TPTE: variants seen among roughly 807,000 people sequenced by gnomAD.
The protein encoded by TPTE is transmembrane phosphatase with tensin homology.
In TPTE, 59 loss-of-function variants were observed where a neutral mutation model predicts 84.1. The ratio of observed to expected loss-of-function variants is 0.70; its 90% CI spans 0.57 to 0.87. The LOEUF (loss-of-function observed/expected upper bound fraction) is 0.87, where lower values mean the gene tolerates loss of function less well. Among genes scored for constraint, TPTE ranks in the 40% least tolerant of loss-of-function variants. The pLI is 0.00. For missense variants in TPTE, 382 were observed against 659.6 expected, an observed-to-expected ratio of 0.58 and a Z score of 4.61; for synonymous variants, 130 against 223.5, an observed-to-expected ratio of 0.58 and a Z score of 3.73.
chr21:10,578,326 ATTTAT>A lies in TPTE; in HGVS notation c.857-6_857-2del, dbSNP rs777350475. 2.0e-5 allele frequency: 32 copies of A among 1,611,680 alleles called. No homozygotes were observed. The highest frequency in any genetic ancestry group is 1.7e-4 in the Admixed American group (10 of 59,984). ...CCTATAGAGATATGACATACATATT[ATTTAT>A]TTTAGGTGAAAGAGCTTACGATCCT... On this transcript the variant is annotated splice_polypyrimidine_tract_variant and splice_region_variant and intron_variant, in intron 15 of 23. Transcript: ENST00000618007.
At chr21:10,534,335 A>C (rs1205899146) in intron 3 of TPTE, among the ~76,000 whole-genome samples, 19 of 152,300 alleles carry the variant, frequency 1.2e-4, no homozygotes, top group Non-Finnish European at 2.2e-4. Flanking sequence ...CAGCCAGCCT[A>C]ATGCTCTCCT....
chr21:10,566,134 T>G (rs1260571004), intron 10 of TPTE, among the ~76,000 whole-genome samples: 2 of 152,416 alleles, frequency 1.3e-5, no homozygotes, highest in East Asian at 3.8e-4. Flanking sequence ...ATAACCAGAA[T>G]ATGTAAGGAG....
At chr21:10,580,535 G>T (rs1352667274) in intron 17 of TPTE, among the ~76,000 whole-genome samples, 30 of 152,264 alleles carry the variant, frequency 2.0e-4, no homozygotes, top group African/African-American at 6.8e-4. Flanking sequence ...TATATTGGGT[G>T]AGATAGGTTG....
In TPTE at chr21:10,605,430, A is replaced by T. The variant is rs1170862146; in HGVS notation, c.1534A>T (p.Lys512Ter). The T allele has an allele frequency of 6.2e-7, 1 of 1,614,060 alleles. No individual in the cohort carries two copies. Among genetic ancestry groups the T allele is most frequent in the African/African-American group, 1.3e-5 (1 of 75,084 alleles). Residue 512 changes from lysine (K) to a stop codon, truncating the protein, a stop_gained, in exon 24 of 24, where the codon AAA becomes TAA. Transcript: ENST00000618007. LOFTEE classifies it high-confidence loss of function. ...TTCTATTCTTAGGCTTTATCTACCA[A>T]AAAATGAATTGGATAATCTACATAA... Reference protein sequence around the residue: ...FIENNRLYLPKNELDNLHKQK... With the variant: ...FIENNRLYLP
chr21:10,530,459 C>G (rs1218333590), intron 3 of TPTE, among the ~76,000 whole-genome samples: 2 of 152,300 alleles, frequency 1.3e-5, no homozygotes, highest in African/African-American at 4.8e-5. Context: ...TAAGTTGTAT[C>G]TCATTTTGTT....
intron 12 of TPTE, 65 bp downstream of exon 12, chr21:10,569,601 G>C (rs111577389): frequency 6.2e-7 from 1 of 1,613,648 alleles, no homozygotes; most frequent in Non-Finnish European, 8.5e-7. Context: ...CATTGACAAG[G>C]GTTGATATCT....
intron 14 of TPTE, among the ~76,000 whole-genome samples, chr21:10,573,810 C>T (rs1440925697): frequency 4.2e-4 from 64 of 152,352 alleles, no homozygotes; most frequent in African/African-American, 1.5e-3. Context: ...TCTCATTCTC[C>T]AGTAGGCTAC....
intron 2 of TPTE, among the ~76,000 whole-genome samples, chr21:10,525,780 GCCCCAAA>G (rs1222904564): frequency 2.0e-5 from 3 of 152,310 alleles, no homozygotes; most frequent in African/African-American, 7.2e-5. Context: ...GTCATTCTGT[GCCCCAAA>G]GCAGCTTATC....
At chr21:10,596,962 AAATT>A (rs1243073405) in intron 20 of TPTE, among the ~76,000 whole-genome samples, 7 of 152,310 alleles carry the variant, frequency 4.6e-5, no homozygotes, top group Admixed American at 4.6e-4. Context: ...AGTGAAAACA[AAATT>A]AAATGAAAAC....
intron 8 of TPTE, among the ~76,000 whole-genome samples, chr21:10,554,979 C>A (rs1234378131): frequency 6.6e-6 from 1 of 152,312 alleles, no homozygotes; most frequent in African/African-American, 2.4e-5. Flanking sequence ...GGCCACCTCC[C>A]TACCCCCAGA....
rs746542517 is a variant in TPTE, at chr21:10,603,553, T to C, written c.1450-9T>C. On this transcript the variant is annotated splice_polypyrimidine_tract_variant and intron_variant, in intron 22 of 23. Coordinates refer to ENST00000618007, the MANE Select transcript of TPTE (RefSeq NM_199261.4). ...TCAGTTTTACTTTGAAATTTTTTTT[T>C]CTTTTTAGAATCTTCCTACATACTA... is the stretch of plus-strand genomic sequence containing the variant. 9 of 1,608,380 alleles carry C rather than the reference T, an allele frequency of 5.6e-6. No homozygotes were observed. The South Asian group carries it at 6.7e-5, about 12-fold the overall frequency.
chr21:10,570,377 A>G, intron 13 of TPTE, 108 bp from the exon 14 acceptor site: 1 of 1,571,248 alleles, frequency 6.4e-7, no homozygotes, highest in Non-Finnish European at 8.7e-7. Context: ...CAATCTTAAA[A>G]GGTTTTTTTT....
intron 19 of TPTE, among the ~76,000 whole-genome samples, chr21:10,593,655 G>C (rs1227178786): frequency 5.9e-5 from 9 of 152,288 alleles, no homozygotes; most frequent in Non-Finnish European, 8.8e-5. Flanking sequence ...TCATAAATTA[G>C]AAAATTGAGG....
intron 17 of TPTE, among the ~76,000 whole-genome samples, chr21:10,588,525 C>T (rs866060734): frequency 0.014 from 2,007 of 148,418 alleles, no homozygotes; most frequent in African/African-American, 0.048. Context: ...TCACAGGTGC[C>T]GTCTGGCTTT....
At chr21:10,568,179 A>G (rs1356245242) in intron 11 of TPTE, among the ~76,000 whole-genome samples, 1 of 152,310 alleles carries the variant, frequency 6.6e-6, no homozygotes, top group African/African-American at 2.4e-5. Context: ...TATCAAAAAA[A>G]TTTATATTGA....
At chr21:10,522,028 A>G (rs1264028301) in intron 1 of TPTE, among the ~76,000 whole-genome samples, 2 of 152,182 alleles carry the variant, frequency 1.3e-5, no homozygotes, top group Non-Finnish European at 1.5e-5. Context: ...GAAATGGCCT[A>G]GGAGCCGGAG....
rs1223482890 is a variant in TPTE, at chr21:10,566,675, TA to T, written c.447-988del. Among the ~76,000 whole-genome samples the T allele has an allele frequency of 4.3e-4, 66 of 152,380 alleles. No individual in the cohort carries two copies. The East Asian group carries it at 0.01, about 24-fold the overall frequency. ...TACACAAGAGAGTATTATTTAGCCA[TA>T]AAAAAACAATAAGAACCCGGCCAAG... On this transcript the variant is annotated intron_variant, in intron 10 of 23. Coordinates refer to ENST00000618007, the MANE Select transcript of TPTE (RefSeq NM_199261.4).
At chr21:10,600,181 C>T (rs1468029636) in intron 21 of TPTE, among the ~76,000 whole-genome samples, 1 of 147,270 alleles carries the variant, frequency 6.8e-6, no homozygotes. Flanking sequence ...CTCTTGTTAC[C>T]CAGGCTGGAG....
At chr21:10,525,324 G>T (rs1385549512) in intron 2 of TPTE, among the ~76,000 whole-genome samples, 1 of 152,308 alleles carries the variant, frequency 6.6e-6, no homozygotes, top group African/African-American at 2.4e-5. Flanking sequence ...GGATAAAGGT[G>T]TATGAGGGTG....
Sources: gnomAD v4.1 joint callset for allele counts (sites outside exome capture counted in the v4.1 genomes callset) on GRCh38, gnomAD v4.1.1 for gene constraint, MANE v1.5 for transcripts, NCBI Gene and HGNC (gene_info 2026-07-23, HGNC 2026-07-21) for gene names.